The following CD36 variants were observed in gnomAD, a reference collection of about 807,000 sequenced individuals.
CD36 encodes the protein CD36 molecule (CD36 blood group), also known as platelet glycoprotein 4.
CD36 carries 119 observed loss-of-function variants against 55.2 expected under a neutral mutation model. The ratio of observed to expected loss-of-function variants is 2.15; its 90% CI spans 1.86 to 2.51. CD36 has a LOEUF of 2.51. Ranked by LOEUF, CD36 falls within the 30% of genes most tolerant of loss-of-function variation. CD36 has a pLI of 0.00. For synonymous variants in CD36, 186 were observed against 193.6 expected, an observed-to-expected ratio of 0.96 and a Z score of 0.33; for missense variants, 819 against 555.5, an observed-to-expected ratio of 1.47 and a Z score of -4.77.
chr7:80,668,982 CA>C (rs1157813116), intron 8 of CD36, among the ~76,000 whole-genome samples: 1 of 152,112 alleles, frequency 6.6e-6, no homozygotes, highest in Non-Finnish European at 1.5e-5. Flanking sequence ...CTTTTTTATA[CA>C]CTTTCAAAGC....
At chr7:80,653,348 T>C (rs1199621832) in intron 3 of CD36, among the ~76,000 whole-genome samples, 1 of 152,218 alleles carries the variant, frequency 6.6e-6, no homozygotes, top group Non-Finnish European at 1.5e-5. Flanking sequence ...TTGTCAGTTA[T>C]GTAGATGATT....
intron 10 of CD36, among the ~76,000 whole-genome samples, 160 bp downstream of exon 10, chr7:80,671,324 A>C (rs1797658483): frequency 6.6e-6 from 1 of 152,094 alleles, no homozygotes; most frequent in Admixed American, 6.6e-5. Flanking sequence ...TAGCAACCAA[A>C]ATTTAAAATT....
intron 1 of CD36, among the ~76,000 whole-genome samples, chr7:80,603,194 C>T (rs1381357354): frequency 1.3e-5 from 2 of 151,878 alleles, no homozygotes; most frequent in Non-Finnish European, 2.9e-5. Flanking sequence ...AGAAAGTCAA[C>T]TTAAGTTATG....
chr7:80,612,069 T>C (rs1792904554), intron 1 of CD36, among the ~76,000 whole-genome samples: 1 of 152,222 alleles, frequency 6.6e-6, no homozygotes. Flanking sequence ...TAGCTAATAA[T>C]ATCAGCCCAG....
intron 3 of CD36, among the ~76,000 whole-genome samples, chr7:80,651,950 A>C (rs538052529): frequency 2.7e-4 from 41 of 152,300 alleles, no homozygotes; most frequent in Admixed American, 1.2e-3. Context: ...TCCATATTTT[A>C]AACATATAAT....
chr7:80,661,804 G>A (rs1419745173), intron 5 of CD36, among the ~76,000 whole-genome samples: 1 of 152,180 alleles, frequency 6.6e-6, no homozygotes, highest in Non-Finnish European at 1.5e-5. Flanking sequence ...GGAAAATAAA[G>A]TCGATAAGGT....
In CD36 at chr7:80,677,801, A is replaced by G. The variant is rs1257990454; in HGVS notation, c.*1418A>G. The G allele has an allele frequency of 1.3e-5, 2 of 152,184 alleles. No homozygotes were observed. The highest frequency in any genetic ancestry group is 6.6e-5 in the Admixed American group (1 of 15,266). The allele number at this position is 152,184 out of a possible 1,614,324, so 9.4% of individuals were successfully genotyped here. A position where few individuals can be genotyped will look rare whatever the true frequency, so the allele number is the denominator to read the frequency against. ...TAAAGATAATTGGATGAGAATATAC[A>G]TATTGACCTGTATATTATGACTAAT... is the stretch of plus-strand genomic sequence containing the variant. On this transcript the variant is annotated 3_prime_UTR_variant, in exon 15 of 15. Transcript: ENST00000447544.
intron 13 of CD36, 113 bp downstream of exon 13, chr7:80,673,522 A>G (rs1227409226): frequency 1.3e-6 from 1 of 747,308 alleles, no homozygotes; most frequent in Non-Finnish European, 2.5e-6. Flanking sequence ...TCCATTACCC[A>G]TATGGATGAG....
rs765778656 is a variant in CD36 at position 80,673,343 on chromosome 7, C to A, written c.1200-12C>A. On this transcript the variant is annotated splice_polypyrimidine_tract_variant and intron_variant, in intron 12 of 14. Coordinates refer to ENST00000447544, the MANE Select transcript of CD36 (RefSeq NM_001001548.3). ...TTTATATGTTCATAATTATTTTCAA[C>A]GTATATTACAGAGTATTAAAGAATC... The A allele has an allele frequency of 2.9e-5, 35 of 1,221,434 alleles. 1 individual carries two copies. In the Middle Eastern group the frequency reaches 1.4e-3, roughly 50 times the overall value. The allele number at this position is 1,221,434 out of a possible 1,614,324, so 75.7% of individuals were successfully genotyped here.
intron 1 of CD36, among the ~76,000 whole-genome samples, chr7:80,607,665 A>G (rs769579128): frequency 2.6e-5 from 4 of 152,026 alleles, no homozygotes; most frequent in African/African-American, 4.8e-5. Flanking sequence ...GGAGACCCCA[A>G]TCTACATCTT....
At chr7:80,674,689 C>A in intron 14 of CD36, among the ~76,000 whole-genome samples, 1 of 152,008 alleles carries the variant, frequency 6.6e-6, no homozygotes, top group South Asian at 2.1e-4. Context: ...AGTGTCCATG[C>A]ACTCTTAAAG....
chr7:80,664,586 A>G (rs1255425248), intron 7 of CD36, 89 bp downstream of exon 7: 6 of 797,058 alleles, frequency 7.5e-6, no homozygotes, highest in Non-Finnish European at 1.1e-5. Flanking sequence ...AGACATAGGC[A>G]TCAACCTATA....
At chr7:80,666,399 T>A (rs1797095291) in intron 7 of CD36, 44 bp from the exon 8 acceptor site, 1 of 1,294,892 alleles carries the variant, frequency 7.7e-7, no homozygotes, top group East Asian at 2.3e-5. Context: ...AGAAAGGTAT[T>A]CTTTAAATAA....
chr7:80,670,803 G>T, intron 9 of CD36, 174 bp from the exon 10 acceptor site: 1 of 605,426 alleles, frequency 1.7e-6, no homozygotes, highest in Non-Finnish European at 2.9e-6. Context: ...GTTCATGCTT[G>T]GCTATTGAGT....
chr7:80,634,687 A>G (rs1317735071), upstream of CD36, among the ~76,000 whole-genome samples: 1 of 152,088 alleles, frequency 6.6e-6, no homozygotes, highest in East Asian at 1.9e-4. Flanking sequence ...TTGTTACTCA[A>G]CTTACTGTAC....
At chr7:80,626,027 G>T (rs750313191) in intron 1 of CD36, 3 of 152,074 alleles carry the variant, frequency 2.0e-5, no homozygotes, top group Non-Finnish European at 2.9e-5. Flanking sequence ...GTAATCAGGG[G>T]ATCTGCCATT....
intron 14 of CD36, among the ~76,000 whole-genome samples, chr7:80,674,947 A>C (rs975449005): frequency 3.3e-5 from 5 of 152,106 alleles, no homozygotes; most frequent in African/African-American, 4.8e-5. Flanking sequence ...TGATTTTCCA[A>C]TAGCCTGGAT....
In CD36 at chr7:80,671,803, T is replaced by C. The variant is rs3211941; in HGVS notation, c.1007-119T>C. 2,343 of 828,222 alleles carry C rather than the reference T, an allele frequency of 2.8e-3. 45 individuals carry two copies. In the African/African-American group the frequency reaches 0.035, roughly 13 times the overall value. The allele number at this position is 828,222 out of a possible 1,614,324, so 51.3% of individuals were successfully genotyped here. The stretch of plus-strand genomic sequence containing the variant: ...AACTGACATAATTCTTCCCCACCCA[T>C]GTTAAAAACCATGTATTTTTTAATG... On this transcript the variant is annotated intron_variant, in intron 10 of 14. Coordinates refer to ENST00000447544, the MANE Select transcript of CD36 (RefSeq NM_001001548.3).
intron 1 of CD36, among the ~76,000 whole-genome samples, chr7:80,605,420 C>G (rs1436976497): frequency 6.6e-6 from 1 of 152,082 alleles, no homozygotes; most frequent in East Asian, 1.9e-4. Flanking sequence ...AAAGCATATT[C>G]ATCATTTTAT....
Sources: allele counts gnomAD v4.1 joint callset (sites outside exome capture counted in the v4.1 genomes callset), GRCh38; gene constraint gnomAD v4.1.1; transcripts MANE v1.5; gene names NCBI Gene and HGNC (gene_info 2026-07-23, HGNC 2026-07-21).